The following BCKDHB variants were observed in gnomAD, a reference collection of about 807,000 sequenced individuals.
BCKDHB encodes the protein 2-oxoisovalerate dehydrogenase subunit beta, mitochondrial.
In BCKDHB, 41 loss-of-function variants were observed where a neutral mutation model predicts 48.5. The ratio of observed to expected loss-of-function variants is 0.85; its 90% CI spans 0.66 to 1.10. The LOEUF is 1.10. Ranked by LOEUF, BCKDHB falls within the 50% of genes least tolerant of loss-of-function variation. BCKDHB has a pLI of 0.00. For missense variants in BCKDHB, 496 were observed against 494.2 expected (o/e 1.00, Z -0.03); for synonymous variants, 201 against 174.8 (o/e 1.15, Z -1.18).
chr6:80,257,643 A>G (rs1399269881), intron 8 of BCKDHB, among the ~76,000 whole-genome samples: 1 of 151,974 alleles, frequency 6.6e-6, no homozygotes. Flanking sequence ...TAAGCTAGAG[A>G]TTCTGGGATG....
At chr6:80,392,934 A>G in the BCKDHB span, among the ~76,000 whole-genome samples, 1 of 148,588 alleles carries the variant, frequency 6.7e-6, no homozygotes, top group Non-Finnish European at 1.5e-5. Flanking sequence ...CTTAAATAAC[A>G]TGCAATTTCT....
At chr6:80,264,655 T>C (rs1489796047) in intron 8 of BCKDHB, among the ~76,000 whole-genome samples, 2 of 152,106 alleles carry the variant, frequency 1.3e-5, no homozygotes, top group African/African-American at 4.8e-5. Context: ...GGAAAATTTT[T>C]CCCTGTGTCT....
At chr6:80,201,173 T>A in intron 7 of BCKDHB, 142 bp downstream of exon 7, 1 of 732,320 alleles carries the variant, frequency 1.4e-6, no homozygotes, top group Non-Finnish European at 2.4e-6. Context: ...AATTTCTTTT[T>A]TCCCTCAACT....
intron 9 of BCKDHB, among the ~76,000 whole-genome samples, chr6:80,331,628 A>C (rs1471737117): frequency 6.6e-6 from 1 of 152,244 alleles, no homozygotes; most frequent in Non-Finnish European, 1.5e-5. Flanking sequence ...CTCATGTAAC[A>C]TGAGCCAATC....
intron 9 of BCKDHB, among the ~76,000 whole-genome samples, chr6:80,340,609 A>G (rs1405505324): frequency 6.6e-6 from 1 of 152,192 alleles, no homozygotes; most frequent in Non-Finnish European, 1.5e-5. Flanking sequence ...AAAGTCATCA[A>G]ATATGGTTTT....
the BCKDHB span, among the ~76,000 whole-genome samples, chr6:80,411,060 G>T: frequency 6.6e-6 from 1 of 152,076 alleles, no homozygotes; most frequent in Non-Finnish European, 1.5e-5. Flanking sequence ...TTTCTCCTAT[G>T]GTTTCTTCCC....
intron 3 of BCKDHB, among the ~76,000 whole-genome samples, chr6:80,138,894 G>A (rs1458507465): frequency 6.6e-6 from 1 of 152,198 alleles, no homozygotes; most frequent in East Asian, 1.9e-4. Flanking sequence ...TTCCACAATG[G>A]TTGAACTAGT....
At chr6:80,135,432 T>A (rs1201735420) in intron 3 of BCKDHB, among the ~76,000 whole-genome samples, 1 of 152,154 alleles carries the variant, frequency 6.6e-6, no homozygotes, top group Non-Finnish European at 1.5e-5. Flanking sequence ...TTGTGAGATG[T>A]CTAACAGGAA....
chr6:80,380,772 GGAGATGAACA>G, the BCKDHB span, among the ~76,000 whole-genome samples: 36 of 151,838 alleles, frequency 2.4e-4, no homozygotes, highest in African/African-American at 8.5e-4. Flanking sequence ...ACTGGGCAAA[GGAGATGAACA>G]GATGTTTCTC....
chr6:80,375,408 C>G, the BCKDHB span, among the ~76,000 whole-genome samples: 1 of 152,164 alleles, frequency 6.6e-6, no homozygotes, highest in Non-Finnish European at 1.5e-5. Context: ...TCTTTGAGCT[C>G]TTAAAATCTT....
At chr6:80,401,319 T>C in the BCKDHB span, among the ~76,000 whole-genome samples, 1 of 151,852 alleles carries the variant, frequency 6.6e-6, no homozygotes, top group Non-Finnish European at 1.5e-5. Context: ...TCCACATCTG[T>C]GAAATTTTCA....
At chr6:80,382,647 C>G in the BCKDHB span, among the ~76,000 whole-genome samples, 1 of 152,126 alleles carries the variant, frequency 6.6e-6, no homozygotes, top group Non-Finnish European at 1.5e-5. Context: ...TCCCAGTTCT[C>G]TCTTTTCTCC....
chr6:80,173,174 C>T (rs1488347363), intron 6 of BCKDHB, among the ~76,000 whole-genome samples: 1 of 152,112 alleles, frequency 6.6e-6, no homozygotes, highest in African/African-American at 2.4e-5. Flanking sequence ...TTACAGGATT[C>T]TAGCTAAGAG....
At chr6:80,361,028 GA>G in the BCKDHB span, among the ~76,000 whole-genome samples, 699 of 146,820 alleles carry the variant, frequency 4.8e-3, 4 homozygotes, top group African/African-American at 0.016. Flanking sequence ...AGAAAAAAAT[GA>G]AAAAAAATTA....
chr6:80,397,788 G>A, the BCKDHB span, among the ~76,000 whole-genome samples: 11 of 152,150 alleles, frequency 7.2e-5, no homozygotes, highest in African/African-American at 2.4e-4. Context: ...GCTGAGGCAG[G>A]AGAATCCTTG....
chr6:80,389,442 C>T, the BCKDHB span, among the ~76,000 whole-genome samples: 39 of 152,302 alleles, frequency 2.6e-4, no homozygotes, highest in Admixed American at 8.5e-4. Flanking sequence ...GGACCTTGTC[C>T]GTAATGGAAA....
chr6:80,456,855 C>T, the BCKDHB span, among the ~76,000 whole-genome samples: 6 of 152,332 alleles, frequency 3.9e-5, no homozygotes, highest in African/African-American at 1.2e-4. Flanking sequence ...AAAAAGGATT[C>T]TTCCCTTCTT....
rs141169155 is a variant in BCKDHB, at chr6:80,257,849, A to G, written c.952-15286A>G. 3.9e-5 allele frequency among the ~76,000 whole-genome samples: 6 copies of G among 152,164 alleles called. No individual in the cohort carries two copies. In the East Asian group the frequency reaches 9.7e-4, roughly 24 times the overall value. ...CCCAGCCCAGCAAATAGACGGGCACATTTACCTTTTCTCCTTTTTTCCTTC... is the reference window on the plus strand; with the variant it reads ...CCCAGCCCAGCAAATAGACGGGCACGTTTACCTTTTCTCCTTTTTTCCTTC... On this transcript the variant is annotated intron_variant, in intron 8 of 9. Coordinates refer to ENST00000320393, the MANE Select transcript of BCKDHB (RefSeq NM_183050.4).
At chr6:80,353,505 G>A in the BCKDHB span, among the ~76,000 whole-genome samples, 3 of 151,640 alleles carry the variant, frequency 2.0e-5, no homozygotes, top group Non-Finnish European at 4.4e-5. Flanking sequence ...AATGTGTATA[G>A]GATTCTTTTT....
Sources: allele counts gnomAD v4.1 joint callset (sites outside exome capture counted in the v4.1 genomes callset), GRCh38; gene constraint gnomAD v4.1.1; transcripts MANE v1.5; gene names NCBI Gene and HGNC (gene_info 2026-07-23, HGNC 2026-07-21).